Variants in PODXL2 observed in about 807,000 individuals in gnomAD.
PODXL2 encodes podocalyxin-like protein 2.
Under a neutral mutation model 53.4 loss-of-function variants are expected in PODXL2, and 17 were observed. That is an observed-to-expected ratio of 0.32 (90% CI 0.22 to 0.48). The LOEUF (loss-of-function observed/expected upper bound fraction) is 0.48. PODXL2 is among the 20% of genes least tolerant of loss of function. The pLI is 0.99. For missense variants in PODXL2, 673 were observed against 760.0 expected (o/e 0.89, Z 1.35); for synonymous variants, 311 against 306.7 (o/e 1.01, Z -0.15).
chr3:127,639,274 T>A lies in PODXL2; in HGVS notation c.100T>A (p.Ser34Thr), dbSNP rs200398346. ...GAFLGACVAGSDEPGPEGLTS... is the reference protein window; with the variant it reads ...GAFLGACVAGTDEPGPEGLTS... The stretch of plus-strand genomic sequence containing the variant: ...GTTCCTGGGTGCCTGTGTGGCTGGG[T>A]CTGATGAGCCTGGCCCAGAGGGCCT... The change falls in exon 2 of 8, where the codon TCT becomes ACT. Residue 34 changes from serine (S) to threonine (T), a missense_variant. Ser to Thr is a moderately conservative substitution (Grantham distance 58, BLOSUM62 1). Coordinates refer to ENST00000342480, the MANE Select transcript of PODXL2 (RefSeq NM_015720.4). 4.4e-5 allele frequency: 71 copies of A among 1,611,304 alleles called. No individual in the cohort carries two copies. The East Asian group carries it at 1.5e-3, about 34-fold the overall frequency.
At chr3:127,670,986 G>A (rs1454249171) in intron 6 of PODXL2, among the ~76,000 whole-genome samples, 5 of 152,340 alleles carry the variant, frequency 3.3e-5, no homozygotes, top group Middle Eastern at 3.4e-3. Context: ...GCATCAGGAA[G>A]CTGACTGGTC....
rs1393456551 is a variant in PODXL2, at chr3:127,660,811, C to G, written c.783C>G (p.Thr261=). The G allele has an allele frequency of 6.2e-7, 1 of 1,614,120 alleles. No individual in the cohort carries two copies. Among genetic ancestry groups the G allele is most frequent in the Non-Finnish European group, 8.5e-7 (1 of 1,180,046 alleles). The part of the protein sequence containing the change: ...TTVTPGDQDS[T]SQEAEATVLP... ...TGACTCCGGGGGACCAGGACTCCACCAGCCAAGAGGCAGAGGCCACAGTGC... is the reference window on the plus strand; with the variant it reads ...TGACTCCGGGGGACCAGGACTCCACGAGCCAAGAGGCAGAGGCCACAGTGC... Residue 261 remains threonine, a synonymous_variant, in exon 3 of 8, where the codon ACC becomes ACG. Transcript: ENST00000342480.
intron 2 of PODXL2, among the ~76,000 whole-genome samples, chr3:127,657,097 G>A (rs547347617): frequency 1.1e-3 from 167 of 152,286 alleles, no homozygotes; most frequent in Admixed American, 3.0e-3. Flanking sequence ...CACTGCGTGC[G>A]CAGATAAGTT....
chr3:127,672,223 G>C, intron 7 of PODXL2, 45 bp from the exon 8 acceptor site: 2 of 1,500,314 alleles, frequency 1.3e-6, no homozygotes, highest in Non-Finnish European at 9.0e-7. Flanking sequence ...GGCGCTGTCC[G>C]GGGGCTGGCT....
Position 127,668,495 on chromosome 3 carries a change from C to A in PODXL2, c.1261C>A (p.Leu421Met). The change falls in exon 5 of 8, where the codon CTG (leucine) becomes ATG (methionine). Residue 421 changes from leucine (L) to methionine (M), a missense_variant. Physicochemically the swap from Leu to Met is conservative, Grantham distance 15 (BLOSUM62 2). This residue lies in a region of PODXL2 where 588 missense variants were observed against 668.3 expected (regional missense o/e 0.88). Coordinates refer to ENST00000342480, the MANE Select transcript of PODXL2 (RefSeq NM_015720.4). ...GCTCCTGGCCCTGGTGGAAGAGGTG[C>A]TGCCCCGCCATGGCAGTGGCCACCA... is the stretch of plus-strand genomic sequence containing the variant. ...PQLLALVEEVLPRHGSGHHGA... is the reference protein window; with the variant it reads ...PQLLALVEEVMPRHGSGHHGA... 1 of 1,531,066 alleles carries A rather than the reference C, an allele frequency of 6.5e-7. No homozygotes were observed. The highest frequency in any genetic ancestry group is 2.5e-5 in the East Asian group (1 of 40,546). 94.8% of individuals were successfully genotyped at this position (1,531,066 alleles called of 1,614,324 possible). A position where few individuals can be genotyped will look rare whatever the true frequency, so the allele number is the denominator to read the frequency against.
At chr3:127,664,381 A>G (rs919015207) in intron 4 of PODXL2, among the ~76,000 whole-genome samples, 11 of 150,762 alleles carry the variant, frequency 7.3e-5, no homozygotes, top group Non-Finnish European at 1.3e-4. Flanking sequence ...TATATACCAC[A>G]TGTTATTTAT....
At chr3:127,639,548 T>TG (rs1329648857) in intron 2 of PODXL2, 25 bp downstream of exon 2, 10 of 1,584,160 alleles carry the variant, frequency 6.3e-6, no homozygotes, top group Non-Finnish European at 7.7e-6. Context: ...CTACAGAGCA[T>TG]GTGTTGAGTG....
At chr3:127,667,483 A>C (rs1247056314) in intron 4 of PODXL2, among the ~76,000 whole-genome samples, 1 of 152,212 alleles carries the variant, frequency 6.6e-6, no homozygotes, top group Non-Finnish European at 1.5e-5. Flanking sequence ...AGGAGGGAGA[A>C]GGCTGCTGGG....
intron 1 of PODXL2, among the ~76,000 whole-genome samples, chr3:127,634,948 C>T (rs2074567937): frequency 6.6e-6 from 1 of 152,108 alleles, no homozygotes; most frequent in South Asian, 2.1e-4. Flanking sequence ...CTTTTTCTTC[C>T]AGCGGTGAAG....
intron 1 of PODXL2, among the ~76,000 whole-genome samples, chr3:127,635,068 A>C (rs2074568620): frequency 6.6e-6 from 1 of 152,206 alleles, no homozygotes; most frequent in African/African-American, 2.4e-5. Context: ...CATTTCGGCC[A>C]TGTGCCCCCC....
chr3:127,640,271 A>G (rs1216639297), intron 2 of PODXL2, among the ~76,000 whole-genome samples: 3 of 152,266 alleles, frequency 2.0e-5, no homozygotes, highest in African/African-American at 7.2e-5. Context: ...GTGTGTGCAC[A>G]TGGGGCAAGG....
chr3:127,641,104 G>A (rs900512439), intron 2 of PODXL2, among the ~76,000 whole-genome samples: 3 of 152,112 alleles, frequency 2.0e-5, no homozygotes, highest in Non-Finnish European at 4.4e-5. Flanking sequence ...TAAAGACAGG[G>A]TTTCACCATG....
chr3:127,664,720 C>A (rs1253966753), intron 4 of PODXL2, among the ~76,000 whole-genome samples: 1 of 151,678 alleles, frequency 6.6e-6, no homozygotes, highest in Non-Finnish European at 1.5e-5. Flanking sequence ...TTGGTTGGTG[C>A]AAAAGTAATT....
intron 2 of PODXL2, among the ~76,000 whole-genome samples, chr3:127,640,411 G>T (rs1300258070): frequency 6.6e-6 from 1 of 152,102 alleles, no homozygotes; most frequent in Non-Finnish European, 1.5e-5. Flanking sequence ...ATACAAAGAA[G>T]AAAATAAGGC....
intron 2 of PODXL2, among the ~76,000 whole-genome samples, chr3:127,654,058 T>C (rs2074706040): frequency 6.6e-6 from 1 of 152,232 alleles, no homozygotes; most frequent in African/African-American, 2.4e-5. Flanking sequence ...AGTAGTGTCT[T>C]TTATAGCAAA....
intron 2 of PODXL2, among the ~76,000 whole-genome samples, chr3:127,644,591 CT>C (rs1433929028): frequency 2.6e-5 from 4 of 152,226 alleles, no homozygotes; most frequent in Non-Finnish European, 5.9e-5. Flanking sequence ...GTCCTCCCCC[CT>C]CCCCAGGGGA....
chr3:127,660,793 G>A lies in PODXL2; in HGVS notation c.765G>A (p.Pro255=), dbSNP rs145678097. Residue 255 remains proline, a synonymous_variant, in exon 3 of 8, where the codon CCG becomes CCA. Coordinates refer to ENST00000342480, the MANE Select transcript of PODXL2 (RefSeq NM_015720.4). The stretch of plus-strand genomic sequence containing the variant: ...CAGTCACCCCAACTACAGTGACTCC[G>A]GGGGACCAGGACTCCACCAGCCAAG... ...LPSVTPTTVT[P]GDQDSTSQEA... is the part of the protein sequence containing the mutation. 3.0e-4 allele frequency: 486 copies of A among 1,614,128 alleles called. No homozygotes were observed. Among genetic ancestry groups the A allele is most frequent in the Non-Finnish European group, 3.8e-4 (453 of 1,179,996 alleles).
At chr3:127,654,453 GGT>G (rs983851925) in intron 2 of PODXL2, among the ~76,000 whole-genome samples, 3 of 152,124 alleles carry the variant, frequency 2.0e-5, no homozygotes, top group African/African-American at 7.2e-5. Flanking sequence ...TCACACTGCT[GGT>G]GTTTGCCCTG....
In PODXL2 at chr3:127,672,675, G is replaced by A. The variant is rs2074862699; in HGVS notation, c.*195G>A. 4.3e-6 allele frequency: 2 copies of A among 468,202 alleles called. No homozygotes were observed. The highest frequency in any genetic ancestry group is 7.4e-6 in the Non-Finnish European group (2 of 271,432). 29.0% of individuals were successfully genotyped at this position (468,202 alleles called of 1,614,324 possible). A position where few individuals can be genotyped will look rare whatever the true frequency, so the allele number is the denominator to read the frequency against. On this transcript the variant is annotated 3_prime_UTR_variant, in exon 8 of 8. Coordinates refer to ENST00000342480, the MANE Select transcript of PODXL2 (RefSeq NM_015720.4). ...CCAACTCCCTCACTCCCGCCCGAGG[G>A]GCAGGCCTCAAAGCCCGCCTTGGCC...
Sources: allele counts gnomAD v4.1 joint callset (sites outside exome capture counted in the v4.1 genomes callset), GRCh38; gene constraint gnomAD v4.1.1; regional missense constraint gnomAD v4.1.1; transcripts MANE v1.5; gene names NCBI Gene and HGNC (gene_info 2026-07-23, HGNC 2026-07-21).